The following GRIK4 variants were observed in gnomAD, a reference collection of about 807,000 sequenced individuals.
GRIK4 encodes the protein glutamate receptor ionotropic, kainate 4.
In GRIK4, 40 loss-of-function variants were observed where a neutral mutation model predicts 104.9. The observed-to-expected ratio is 0.38, with a 90% CI of 0.30 to 0.50. GRIK4 has a LOEUF of 0.50. Among genes scored for constraint, GRIK4 ranks in the 20% least tolerant of loss-of-function variants. The pLI is 0.93. For synonymous variants in GRIK4, 485 were observed against 524.9 expected (o/e 0.92, Z 1.04); for missense variants, 1,047 against 1,308.1 (o/e 0.80, Z 3.08).
At chr11:120,735,116 G>A (rs1033247302) in intron 3 of GRIK4, among the ~76,000 whole-genome samples, 2 of 152,132 alleles carry the variant, frequency 1.3e-5, no homozygotes, top group African/African-American at 2.4e-5. Flanking sequence ...TTTCCTGGCT[G>A]GTCTTGATGC....
At chr11:120,657,567 C>T (rs536105804) in intron 2 of GRIK4, among the ~76,000 whole-genome samples, 61 of 152,304 alleles carry the variant, frequency 4.0e-4, no homozygotes, top group African/African-American at 1.4e-3. Context: ...ACAGTCCTTG[C>T]CCTTAAGGAG....
chr11:120,537,460 G>A lies in GRIK4; in HGVS notation c.-159+25573G>A, dbSNP rs542358348. The stretch of plus-strand genomic sequence containing the variant: ...TTCTCTTTATTGGGCATGAACAGAA[G>A]GCAGATAGATGGGTGTGTGCAAATG... On this transcript the variant is annotated intron_variant, in intron 1 of 20. Coordinates refer to ENST00000527524, the MANE Select transcript of GRIK4 (RefSeq NM_014619.5). Among the ~76,000 whole-genome samples, 3 of 152,328 alleles carry A rather than the reference G, an allele frequency of 2.0e-5. No homozygotes were observed. In the South Asian group the frequency reaches 6.2e-4, roughly 32 times the overall value.
At chr11:120,635,472 C>G (rs999989230) in intron 1 of GRIK4, among the ~76,000 whole-genome samples, 3 of 152,240 alleles carry the variant, frequency 2.0e-5, no homozygotes, top group Non-Finnish European at 4.4e-5. Context: ...CCATAGCTCT[C>G]CTTGCTCCTG....
intron 20 of GRIK4, among the ~76,000 whole-genome samples, chr11:120,983,747 G>C (rs1416466664): frequency 1.3e-5 from 2 of 152,150 alleles, no homozygotes; most frequent in African/African-American, 4.8e-5. Flanking sequence ...TGTAACCTAT[G>C]CATGAACCAC....
chr11:120,684,190 G>A (rs1014321219), intron 3 of GRIK4, among the ~76,000 whole-genome samples: 1 of 152,138 alleles, frequency 6.6e-6, no homozygotes, highest in African/African-American at 2.4e-5. Flanking sequence ...GGGCGTAATG[G>A]TGCATGCTTG....
At position 120,956,074 on chromosome 11, in the gene GRIK4, G is replaced by T. The variant is rs921913863; in HGVS notation, c.1701-706G>T. Among the ~76,000 whole-genome samples, 3 of 152,216 alleles carry T rather than the reference G, an allele frequency of 2.0e-5. No individual in the cohort carries two copies. The highest frequency in any genetic ancestry group is 3.9e-4 in the East Asian group (2 of 5,174). ...TGGAGGGCCACTGCTCTAGGCTGAG[G>T]GTCTTCAAACCGTGGTTCTAAGGGA... On this transcript the variant is annotated intron_variant, in intron 15 of 20. Coordinates refer to ENST00000527524, the MANE Select transcript of GRIK4 (RefSeq NM_014619.5). This position sits in a 1 kb window ranked among gnomAD's most constrained non-coding sequence, Gnocchi z 4.6.
intron 20 of GRIK4, 96 bp downstream of exon 20, chr11:120,982,320 GGA>G: frequency 1.3e-6 from 1 of 743,250 alleles, no homozygotes; most frequent in Admixed American, 1.9e-5. Context: ...GCTTACCACA[GGA>G]AGTGCAGCAA....
chr11:120,777,704 A>C (rs892702179), intron 3 of GRIK4, among the ~76,000 whole-genome samples: 2 of 152,238 alleles, frequency 1.3e-5, no homozygotes, highest in Admixed American at 1.3e-4. Context: ...TGGGAGGCCA[A>C]GGCGGGTGGA....
At chr11:120,592,518 C>G (rs1430502731) in intron 1 of GRIK4, among the ~76,000 whole-genome samples, 3 of 152,188 alleles carry the variant, frequency 2.0e-5, no homozygotes, top group African/African-American at 7.2e-5. Context: ...AACTGAAAAT[C>G]ATAGTTCAAT....
chr11:120,657,720 T>C (rs556539567), intron 2 of GRIK4, among the ~76,000 whole-genome samples: 18 of 152,200 alleles, frequency 1.2e-4, no homozygotes, highest in Non-Finnish European at 2.2e-4. Flanking sequence ...AGGGGTGTTC[T>C]TTGGGCAGAA....
chr11:120,755,640 T>A (rs1186093213), intron 3 of GRIK4, among the ~76,000 whole-genome samples: 4 of 148,702 alleles, frequency 2.7e-5, no homozygotes, highest in South Asian at 4.2e-4. Context: ...CCAAAGATAA[T>A]AAATAATAAT....
rs183371317 is a variant in GRIK4, at chr11:120,567,946, G to A, written c.-159+56059G>A. 1.4e-3 allele frequency among the ~76,000 whole-genome samples: 214 copies of A among 152,314 alleles called. 1 individual carries two copies. The highest frequency in any genetic ancestry group is 4.8e-3 in the African/African-American group (200 of 41,560). ...TATAATCCCAACACTTTGGGAGGCC[G>A]AGGCAGGAGGATCACTTGAGTCTAA... On this transcript the variant is annotated intron_variant, in intron 1 of 20. Transcript: ENST00000527524.
At position 120,542,759 on chromosome 11, in the gene GRIK4, C is replaced by A. The variant is rs1233896669; in HGVS notation, c.-159+30872C>A. Among the ~76,000 whole-genome samples, 5 of 152,182 alleles carry A rather than the reference C, an allele frequency of 3.3e-5. No individual in the cohort carries two copies. The East Asian group carries it at 9.6e-4, about 29-fold the overall frequency. ...AAAACCACAATGAGATGACATTTCA[C>A]AAGAGTTAGGATGGCCATAATAAAA... On this transcript the variant is annotated intron_variant, in intron 1 of 20. Coordinates refer to ENST00000527524, the MANE Select transcript of GRIK4 (RefSeq NM_014619.5).
At chr11:120,834,075 T>G (rs1205940242) in intron 7 of GRIK4, among the ~76,000 whole-genome samples, 2 of 152,190 alleles carry the variant, frequency 1.3e-5, no homozygotes, top group African/African-American at 4.8e-5. Flanking sequence ...TTCATGAATA[T>G]TTCCCCAGCA....
chr11:120,708,359 T>C (rs903674571), intron 3 of GRIK4, among the ~76,000 whole-genome samples: 1 of 152,080 alleles, frequency 6.6e-6, no homozygotes, highest in Middle Eastern at 3.2e-3. Flanking sequence ...GAGAGACCAT[T>C]TGTGAGAAAA....
chr11:120,807,548 C>CT, intron 4 of GRIK4, among the ~76,000 whole-genome samples: 2 of 152,348 alleles, frequency 1.3e-5, no homozygotes, highest in Non-Finnish European at 2.9e-5. Context: ...GGCTTCCAAG[C>CT]TTCTCACAGG....
intron 9 of GRIK4, chr11:120,872,487 A>G (rs1243510358): frequency 5.1e-5 from 8 of 155,892 alleles, no homozygotes; most frequent in African/African-American, 2.0e-4. Context: ...TGGTGGTCTC[A>G]CAAGGGTGCT....
intron 1 of GRIK4, among the ~76,000 whole-genome samples, chr11:120,632,012 G>A (rs1229375664): frequency 6.6e-6 from 1 of 152,146 alleles, no homozygotes; most frequent in East Asian, 1.9e-4. Flanking sequence ...TTCCTCATCT[G>A]GAAATGAATG....
chr11:120,512,901 G>T (rs12786454), intron 1 of GRIK4, among the ~76,000 whole-genome samples: 7,964 of 152,274 alleles, frequency 0.052, 217 homozygotes, highest in South Asian at 0.075. Flanking sequence ...TGGGCCCCGG[G>T]CGCCTCTGGC....
Sources: gnomAD v4.1 joint callset for allele counts (sites outside exome capture counted in the v4.1 genomes callset) on GRCh38, gnomAD v4.1.1 for gene constraint, Gnocchi (gnomAD v3.1) non-coding constraint, MANE v1.5 for transcripts, NCBI Gene and HGNC (gene_info 2026-07-23, HGNC 2026-07-21) for gene names.